The following SREBF2 variants were observed in gnomAD, a reference collection of about 807,000 sequenced individuals.
SREBF2 encodes the protein sterol regulatory element-binding protein 2.
In SREBF2, 55 loss-of-function variants were observed where a neutral mutation model predicts 113.1. The ratio of observed to expected loss-of-function variants is 0.49; its 90% CI spans 0.39 to 0.61. The LOEUF (loss-of-function observed/expected upper bound fraction) is 0.61, where lower values mean the gene tolerates loss of function less well. SREBF2 is among the 20% of genes least tolerant of loss of function. The pLI, the probability that SREBF2 is intolerant of heterozygous loss-of-function variation, is 0.00. For synonymous variants in SREBF2, 593 were observed against 605.7 expected (o/e 0.98, Z 0.31); for missense variants, 1,349 against 1,487.4 (o/e 0.91, Z 1.53).
At chr22:41,887,781 C>T (rs1299083868) in intron 11 of SREBF2, among the ~76,000 whole-genome samples, 2 of 152,192 alleles carry the variant, frequency 1.3e-5, no homozygotes, top group Non-Finnish European at 2.9e-5. Context: ...TTCTCCACTC[C>T]ATCAGCAGTG....
chr22:41,905,293 C>A, intron 18 of SREBF2, 147 bp from the exon 19 acceptor site: 2 of 839,794 alleles, frequency 2.4e-6, no homozygotes, highest in Non-Finnish European at 3.8e-6. Flanking sequence ...TGGACAAGTT[C>A]ACTTCTTTTC....
intron 11 of SREBF2, among the ~76,000 whole-genome samples, 172 bp from the exon 12 acceptor site, chr22:41,892,945 A>G (rs907582512): frequency 2.0e-5 from 3 of 152,158 alleles, no homozygotes; most frequent in Admixed American, 6.5e-5. Context: ...GGCTTGCCCT[A>G]GTTTCCATGG....
chr22:41,853,928 G>T (rs954760571), intron 1 of SREBF2, among the ~76,000 whole-genome samples: 5 of 151,436 alleles, frequency 3.3e-5, no homozygotes, highest in Non-Finnish European at 7.4e-5. Context: ...CCAGCTACTC[G>T]GGAGGCTGAG....
Position 41,884,166 on chromosome 22 carries a change from C to T in SREBF2, c.2039-676C>T, listed in dbSNP as rs544388241. Among the ~76,000 whole-genome samples the T allele has an allele frequency of 1.6e-4, 25 of 152,188 alleles. 2 individuals carry two copies. The South Asian group carries it at 3.5e-3, about 21-fold the overall frequency. On this transcript the variant is annotated intron_variant, in intron 10 of 18. Transcript: ENST00000361204. ...TTGGCTTTTTTGGGGGACAGAGTCTCGCTCTGTTGCCCAGGCTGGAGTGCA... is the reference window on the plus strand; with the variant it reads ...TTGGCTTTTTTGGGGGACAGAGTCTTGCTCTGTTGCCCAGGCTGGAGTGCA...
chr22:41,886,521 TGCCC>T (rs2077300463), intron 11 of SREBF2, among the ~76,000 whole-genome samples: 1 of 151,964 alleles, frequency 6.6e-6, no homozygotes, highest in South Asian at 2.1e-4. Flanking sequence ...TGCAGAAAAA[TGCCC>T]ACATTTTAAC....
chr22:41,853,005 G>A (rs780400397), intron 1 of SREBF2, among the ~76,000 whole-genome samples: 2 of 151,936 alleles, frequency 1.3e-5, no homozygotes, highest in Non-Finnish European at 2.9e-5. Context: ...CCGCCTTGGC[G>A]TCCCAAAGTG....
At chr22:41,849,514 G>A (rs1472718986) in intron 1 of SREBF2, among the ~76,000 whole-genome samples, 1 of 151,968 alleles carries the variant, frequency 6.6e-6, no homozygotes, top group South Asian at 2.1e-4. Flanking sequence ...TTTTTACAGA[G>A]GTTTTCTACC....
chr22:41,897,009 G>T (rs373592735), intron 13 of SREBF2, 43 bp from the exon 14 acceptor site: 11 of 1,411,586 alleles, frequency 7.8e-6, no homozygotes, highest in Non-Finnish European at 1.1e-5. Context: ...TGGGCCTTGT[G>T]TATATGTTTT....
chr22:41,885,226 C>T (rs1453866431), intron 11 of SREBF2, among the ~76,000 whole-genome samples: 3 of 152,178 alleles, frequency 2.0e-5, no homozygotes, highest in African/African-American at 4.8e-5. Flanking sequence ...ATACCATAAG[C>T]CTTGTAGGCA....
chr22:41,867,863 T>C (rs1422714680), intron 2 of SREBF2, among the ~76,000 whole-genome samples: 1 of 151,886 alleles, frequency 6.6e-6, no homozygotes, highest in Non-Finnish European at 1.5e-5. Context: ...TTCTGATAAC[T>C]AGTGGTGGAG....
chr22:41,900,041 T>C lies in SREBF2; in HGVS notation c.2739-289T>C, dbSNP rs574084322. 18 of 1,342,084 alleles carry C rather than the reference T, an allele frequency of 1.3e-5. No individual in the cohort carries two copies. The South Asian group carries it at 2.6e-4, about 19-fold the overall frequency. 83.1% of individuals were successfully genotyped at this position (1,342,084 alleles called of 1,614,324 possible). A position where few individuals can be genotyped will look rare whatever the true frequency, so the allele number is the denominator to read the frequency against. On this transcript the variant is annotated intron_variant, in intron 15 of 18. Transcript: ENST00000361204. Reference sequence around the variant, plus strand: ...ATAGGTAAGGAAACTGAGGCACACGTTGGAATGACTATCTTGGGTGGCTTC... The same window carrying C: ...ATAGGTAAGGAAACTGAGGCACACGCTGGAATGACTATCTTGGGTGGCTTC...
chr22:41,903,117 C>T lies in SREBF2; in HGVS notation c.3055C>T (p.Arg1019Cys), dbSNP rs774482430. 1.2e-5 allele frequency: 19 copies of T among 1,561,862 alleles called. No individual in the cohort carries two copies. Among genetic ancestry groups the T allele is most frequent in the Admixed American group, 1.9e-5 (1 of 52,600 alleles). The change falls in exon 17 of 19, where the codon CGC becomes TGC. Residue 1019 changes from arginine to cysteine, a missense_variant. Arg to Cys is a radical substitution (Grantham distance 180). Coordinates refer to ENST00000361204, the MANE Select transcript of SREBF2 (RefSeq NM_004599.4). ...AGFQRDLGSLRRLAHSFRPAY... is the reference protein window; with the variant it reads ...AGFQRDLGSLCRLAHSFRPAY... ...CTTCCAACGGGACCTGGGCAGCCTG[C>T]GCAGGCTGGCACACAGCTTCCGCCC...
At chr22:41,895,085 A>C in intron 13 of SREBF2, 148 bp downstream of exon 13, 1 of 701,796 alleles carries the variant, frequency 1.4e-6, no homozygotes, top group Non-Finnish European at 2.6e-6. Context: ...TTAATTTCTC[A>C]AAAATGAGAG....
chr22:41,899,959 A>G, intron 15 of SREBF2: 3 of 1,187,592 alleles, frequency 2.5e-6, no homozygotes, highest in Non-Finnish European at 3.2e-6. Flanking sequence ...TTAATACCAC[A>G]TCTCTGGGGG....
intron 15 of SREBF2, chr22:41,899,520 CCCTTAA>C: frequency 1.0e-6 from 1 of 992,190 alleles, no homozygotes; most frequent in Non-Finnish European, 1.2e-6. Flanking sequence ...ATCAAGCAGA[CCCTTAA>C]CCGGCGCACA....
At chr22:41,868,318 A>G (rs2077106527) in intron 2 of SREBF2, among the ~76,000 whole-genome samples, 1 of 152,300 alleles carries the variant, frequency 6.6e-6, no homozygotes, top group South Asian at 2.1e-4. Flanking sequence ...TTGATTCTCA[A>G]CATCTGTTAA....
intron 11 of SREBF2, among the ~76,000 whole-genome samples, chr22:41,889,504 C>T (rs1450254549): frequency 6.6e-6 from 1 of 152,050 alleles, no homozygotes; most frequent in Non-Finnish European, 1.5e-5. Flanking sequence ...TTGAAAAAAT[C>T]ATATGTCAAG....
At chr22:41,836,046 C>A (rs956560525) in intron 1 of SREBF2, among the ~76,000 whole-genome samples, 1 of 152,216 alleles carries the variant, frequency 6.6e-6, no homozygotes, top group African/African-American at 2.4e-5. Context: ...TCAGTGGCTT[C>A]ATAGGTCCAT....
intron 11 of SREBF2, among the ~76,000 whole-genome samples, chr22:41,889,684 T>G (rs116451106): frequency 0.018 from 2,440 of 134,166 alleles, 65 homozygotes; most frequent in African/African-American, 0.067. Flanking sequence ...GACAACATAG[T>G]GAGACCATGT....
Sources: gnomAD v4.1 joint callset for allele counts (sites outside exome capture counted in the v4.1 genomes callset) on GRCh38, gnomAD v4.1.1 for gene constraint, MANE v1.5 for transcripts, NCBI Gene and HGNC (gene_info 2026-07-23, HGNC 2026-07-21) for gene names.